Variants in TPCN2 observed in about 807,000 individuals in gnomAD.
TPCN2 encodes the protein two pore channel protein 2.
Under a neutral mutation model 111.4 loss-of-function variants are expected in TPCN2, and 92 were observed. That is an observed-to-expected ratio of 0.83 (90% CI 0.70 to 0.98). The LOEUF is 0.98. Ranked by LOEUF, TPCN2 falls within the 50% of genes least tolerant of loss-of-function variation. The probability of loss-of-function intolerance (pLI) is 0.00; values close to 1 mark genes in which losing one functional copy is unlikely to be tolerated. For synonymous variants in TPCN2, 405 were observed against 414.5 expected, an observed-to-expected ratio of 0.98 and a Z score of 0.28; for missense variants, 995 against 980.1, an observed-to-expected ratio of 1.02 and a Z score of -0.20.
At chr11:69,058,177 G>C (rs1361633045) in intron 5 of TPCN2, among the ~76,000 whole-genome samples, 1 of 152,236 alleles carries the variant, frequency 6.6e-6, no homozygotes, top group Non-Finnish European at 1.5e-5. Flanking sequence ...CACCCCCTGG[G>C]CTTTGCGAGA....
Position 69,067,617 on chromosome 11 carries a change from G to C in TPCN2, c.829+12G>C, listed in dbSNP as rs955273613. ...CAACAACCCCGATGGTGCGTGCAGG[G>C]CCAGGGAGGGACCGTGGGGGTCGGT... On this transcript the variant is annotated intron_variant, in intron 8 of 24. Transcript: ENST00000294309. 2.5e-6 allele frequency: 4 copies of C among 1,612,874 alleles called. No individual in the cohort carries two copies. Among genetic ancestry groups the C allele is most frequent in the Non-Finnish European group, 3.4e-6 (4 of 1,179,704 alleles).
chr11:69,048,990 G>C lies in TPCN2; in HGVS notation c.-8G>C, dbSNP rs1237693038. 1 of 1,235,406 alleles carries C rather than the reference G, an allele frequency of 8.1e-7. No homozygotes were observed. The highest frequency in any genetic ancestry group is 4.2e-5 in the Admixed American group (1 of 23,696). 76.5% of individuals were successfully genotyped at this position (1,235,406 alleles called of 1,614,324 possible). ...TCTGAGGGTCGGGTCCAGCGCGTGGGCTGCTGGATGGCGGAACCCCAGGCG... is the reference window on the plus strand; with the variant it reads ...TCTGAGGGTCGGGTCCAGCGCGTGGCCTGCTGGATGGCGGAACCCCAGGCG... On this transcript the variant is annotated 5_prime_UTR_variant, in exon 1 of 25. Transcript: ENST00000294309.
At chr11:69,074,922 G>T (rs1163518479) in intron 13 of TPCN2, among the ~76,000 whole-genome samples, 5 of 152,220 alleles carry the variant, frequency 3.3e-5, no homozygotes, top group Non-Finnish European at 5.9e-5. Context: ...GTCCAGAGCT[G>T]ACTCTCCCAC....
At chr11:69,069,165 G>A (rs1320855266) in intron 8 of TPCN2, among the ~76,000 whole-genome samples, 4 of 141,490 alleles carry the variant, frequency 2.8e-5, no homozygotes, top group African/African-American at 1.1e-4. Flanking sequence ...ACCGCAGTGG[G>A]AGCAGGACTG....
Position 69,088,009 on chromosome 11 carries a change from G to T in TPCN2, c.*56G>T. The T allele has an allele frequency of 6.6e-7, 1 of 1,504,060 alleles. No individual in the cohort carries two copies. The highest frequency in any genetic ancestry group is 1.2e-5 in the South Asian group (1 of 83,354). 93.2% of individuals were successfully genotyped at this position (1,504,060 alleles called of 1,614,324 possible). On this transcript the variant is annotated 3_prime_UTR_variant, in exon 25 of 25. Coordinates refer to ENST00000294309, the MANE Select transcript of TPCN2 (RefSeq NM_139075.4). ...AGGAGAGAGAGGCTGGCCTACACAG[G>T]TGCCCGTCATGGAAGAGGCGGCCAT...
intron 5 of TPCN2, among the ~76,000 whole-genome samples, chr11:69,058,954 A>G (rs1854900757): frequency 6.6e-6 from 1 of 152,258 alleles, no homozygotes; most frequent in African/African-American, 2.4e-5. Flanking sequence ...GGGGAAGGAG[A>G]CAGGAAAAAG....
chr11:69,055,015 G>T, intron 3 of TPCN2, 160 bp from the exon 4 acceptor site: 2 of 903,498 alleles, frequency 2.2e-6, no homozygotes, highest in Non-Finnish European at 3.4e-6. Context: ...GTCAGCCCTC[G>T]GCAATGGAGC....
chr11:69,072,085 G>T, intron 11 of TPCN2, 62 bp downstream of exon 11: 1 of 1,438,614 alleles, frequency 7.0e-7, no homozygotes, highest in Non-Finnish European at 9.6e-7. Flanking sequence ...CTGGGCAGGG[G>T]CCGGGTGTTC....
chr11:69,061,377 G>A (rs1298531214), intron 5 of TPCN2, among the ~76,000 whole-genome samples: 1 of 152,226 alleles, frequency 6.6e-6, no homozygotes, highest in Non-Finnish European at 1.5e-5. Flanking sequence ...AGTTGTCGGA[G>A]GGTTTTGGTT....
chr11:69,070,631 C>A, intron 9 of TPCN2, 136 bp downstream of exon 9: 1 of 659,372 alleles, frequency 1.5e-6, no homozygotes, highest in Non-Finnish European at 2.5e-6. Context: ...GGATCCCCTG[C>A]CAACAGCTTT....
chr11:69,067,988 C>T (rs1440775143), intron 8 of TPCN2, among the ~76,000 whole-genome samples: 1 of 152,152 alleles, frequency 6.6e-6, no homozygotes, highest in African/African-American at 2.4e-5. Flanking sequence ...CTGGTGCCGT[C>T]CTGCTGGAGC....
In TPCN2 at chr11:69,083,993, C is replaced by T. The variant is rs1360401958; in HGVS notation, c.1738C>T (p.Arg580Cys). 3.1e-6 allele frequency: 5 copies of T among 1,614,098 alleles called. No individual in the cohort carries two copies. The highest frequency in any genetic ancestry group is 3.3e-5 in the Admixed American group (2 of 60,014). ...STVLGLVQNM[R>C]AFGGILVVVY... Reference sequence around the variant, plus strand: ...CGTCCTGGGCCTGGTGCAGAACATGCGTGCGTTTGGCGGGATCCTGGTGGT... The same window carrying T: ...CGTCCTGGGCCTGGTGCAGAACATGTGTGCGTTTGGCGGGATCCTGGTGGT... Residue 580 changes from arginine (R) to cysteine (C), a missense_variant, in exon 19 of 25, where the codon CGT becomes TGT. Physicochemically the swap from Arg to Cys is radical, Grantham distance 180. Coordinates refer to ENST00000294309, the MANE Select transcript of TPCN2 (RefSeq NM_139075.4).
intron 18 of TPCN2, among the ~76,000 whole-genome samples, chr11:69,082,673 G>A (rs1335003148): frequency 2.2e-5 from 3 of 139,100 alleles, no homozygotes; most frequent in Non-Finnish European, 4.7e-5. Flanking sequence ...ATGTGAACTC[G>A]TGCCCGTGTA....
In TPCN2 at chr11:69,087,092, C is replaced by CCA. The variant is rs767550062; in HGVS notation, c.2086-18_2086-17dup. Reference sequence around the variant, plus strand: ...TTCATTCGGGGCCCACACTCACTGGCCACTCCTCCTGCTTGCCAGAACTTC... The same window carrying CCA: ...TTCATTCGGGGCCCACACTCACTGGCCACACTCCTCCTGCTTGCCAGAACTTC... On this transcript the variant is annotated intron_variant, in intron 23 of 24. Coordinates refer to ENST00000294309, the MANE Select transcript of TPCN2 (RefSeq NM_139075.4). The CCA allele has an allele frequency of 8.7e-6, 14 of 1,608,222 alleles. No individual in the cohort carries two copies. The highest frequency in any genetic ancestry group is 1.2e-5 in the Non-Finnish European group (14 of 1,175,066).
chr11:69,086,496 C>G, intron 22 of TPCN2, 27 bp from the exon 23 acceptor site: 2 of 1,604,416 alleles, frequency 1.2e-6, no homozygotes, highest in Non-Finnish European at 1.7e-6. Flanking sequence ...CATCGTGGTT[C>G]ACAGGGTGGG....
intron 5 of TPCN2, among the ~76,000 whole-genome samples, chr11:69,058,523 G>A (rs1031452970): frequency 2.4e-5 from 1 of 41,178 alleles, no homozygotes; most frequent in East Asian, 8.4e-4. Context: ...CAGCAGTGCC[G>A]ATGTGGGGGC....
At chr11:69,055,383 G>C (rs768750333) in intron 4 of TPCN2, 31 bp downstream of exon 4, 241 of 1,561,128 alleles carry the variant, frequency 1.5e-4, no homozygotes, top group Non-Finnish European at 2.0e-4. Context: ...TCTACGTGCT[G>C]CCCCGGCCTC....
At chr11:69,070,563 G>T in intron 9 of TPCN2, 68 bp downstream of exon 9, 1 of 1,177,106 alleles carries the variant, frequency 8.5e-7, no homozygotes, top group Non-Finnish European at 1.2e-6. Flanking sequence ...GATACACCCT[G>T]CTGCCTCCAC....
chr11:69,087,950 G>T lies in TPCN2; in HGVS notation c.2256G>T (p.Arg752Ser), dbSNP rs369523400. The T allele has an allele frequency of 4.4e-6, 7 of 1,607,346 alleles. No homozygotes were observed. Among genetic ancestry groups the T allele is most frequent in the East Asian group, 2.2e-5 (1 of 44,704 alleles). Residue 752 changes from arginine to serine, a missense_variant, in exon 25 of 25, where the codon AGG becomes AGT. By Grantham distance (110) the Arg-to-Ser change is moderately radical. Coordinates refer to ENST00000294309, the MANE Select transcript of TPCN2 (RefSeq NM_139075.4). ...LSQHPHLWLC[R>S] The stretch of plus-strand genomic sequence containing the variant: ...AGCACCCGCACCTGTGGCTGTGCAG[G>T]TGACGTCCGGGCTGCCGTCCCAGCA...
Sources: allele counts gnomAD v4.1 joint callset (sites outside exome capture counted in the v4.1 genomes callset), GRCh38; gene constraint gnomAD v4.1.1; transcripts MANE v1.5; gene names NCBI Gene and HGNC (gene_info 2026-07-23, HGNC 2026-07-21).